The following PTPRD variants were observed in gnomAD, a reference collection of about 807,000 sequenced individuals.
PTPRD encodes the protein protein tyrosine phosphatase receptor type D, also known as receptor-type tyrosine-protein phosphatase delta.
Under a neutral mutation model 214.5 loss-of-function variants are expected in PTPRD, and 34 were observed. That is an observed-to-expected ratio of 0.16 (90% CI 0.12 to 0.21). PTPRD has a LOEUF of 0.21. Ranked by LOEUF, PTPRD falls within the 10% of genes least tolerant of loss-of-function variation. The pLI is 1.00. For synonymous variants in PTPRD, 1,128 were observed against 845.7 expected, an observed-to-expected ratio of 1.33 and a Z score of -5.79; for missense variants, 2,545 against 2,398.7, an observed-to-expected ratio of 1.06 and a Z score of -1.27.
At chr9:8,970,135 C>T (rs1212791180) in intron 11 of PTPRD, among the ~76,000 whole-genome samples, 4 of 151,772 alleles carry the variant, frequency 2.6e-5, no homozygotes, top group Admixed American at 1.3e-4. Context: ...ATTCTAGACT[C>T]GTTTATTATT....
At chr9:8,380,803 T>C (rs2084819567) in intron 37 of PTPRD, among the ~76,000 whole-genome samples, 1 of 152,122 alleles carries the variant, frequency 6.6e-6, no homozygotes, top group Non-Finnish European at 1.5e-5. Flanking sequence ...TGGCTTACCT[T>C]GGGAGTGCTC....
chr9:8,986,543 C>T (rs915030649), intron 11 of PTPRD, among the ~76,000 whole-genome samples: 1 of 151,426 alleles, frequency 6.6e-6, no homozygotes, highest in Non-Finnish European at 1.5e-5. Context: ...TAAAAATCTA[C>T]TTTTGTTAAT....
At chr9:8,847,178 T>A (rs1205471178) in intron 11 of PTPRD, among the ~76,000 whole-genome samples, 2 of 152,184 alleles carry the variant, frequency 1.3e-5, no homozygotes, top group African/African-American at 4.8e-5. Context: ...TAAAATATTT[T>A]TTTTTTGGTA....
At chr9:9,970,317 G>T (rs1480926913) in intron 4 of PTPRD, among the ~76,000 whole-genome samples, 1 of 151,614 alleles carries the variant, frequency 6.6e-6, no homozygotes, top group Non-Finnish European at 1.5e-5. Flanking sequence ...GGGCGTGGTG[G>T]CAGGCACCTG....
chr9:10,392,000 C>T (rs370731947), intron 2 of PTPRD, among the ~76,000 whole-genome samples: 31 of 151,914 alleles, frequency 2.0e-4, no homozygotes, highest in African/African-American at 7.2e-4. Context: ...CTTCCTTAAA[C>T]TCTTTTATGC....
intron 4 of PTPRD, among the ~76,000 whole-genome samples, chr9:10,008,601 C>T (rs1019453725): frequency 2.0e-5 from 3 of 148,702 alleles, no homozygotes; most frequent in African/African-American, 7.3e-5. Context: ...TATATATATA[C>T]TTAGCCAATC....
chr9:10,541,010 T>C (rs1045332436), intron 2 of PTPRD, among the ~76,000 whole-genome samples: 4 of 152,074 alleles, frequency 2.6e-5, no homozygotes, highest in African/African-American at 4.8e-5. Context: ...CACGATAAAA[T>C]TGAATCAAGT....
At chr9:8,961,200 T>C (rs984246077) in intron 11 of PTPRD, among the ~76,000 whole-genome samples, 1 of 152,064 alleles carries the variant, frequency 6.6e-6, no homozygotes, top group Admixed American at 6.6e-5. Context: ...TTATATTTGA[T>C]TTATGACTGC....
intron 39 of PTPRD, among the ~76,000 whole-genome samples, chr9:8,370,066 G>A (rs1436881000): frequency 2.0e-5 from 3 of 152,040 alleles, no homozygotes. Flanking sequence ...GGAAGACTAA[G>A]ACGATATAGG....
intron 2 of PTPRD, among the ~76,000 whole-genome samples, chr9:10,497,490 G>C (rs1404876244): frequency 6.6e-6 from 1 of 151,882 alleles, no homozygotes. Flanking sequence ...ATTGCAGGAG[G>C]TTAGTCATCT....
At chr9:8,827,492 A>G (rs1473777776) in intron 11 of PTPRD, among the ~76,000 whole-genome samples, 1 of 152,114 alleles carries the variant, frequency 6.6e-6, no homozygotes, top group Non-Finnish European at 1.5e-5. Flanking sequence ...CTGTAATTTC[A>G]GCTACTCAGG....
intron 7 of PTPRD, among the ~76,000 whole-genome samples, chr9:9,576,272 A>C (rs2088749199): frequency 1.3e-5 from 2 of 152,190 alleles, no homozygotes; most frequent in Admixed American, 1.3e-4. Flanking sequence ...AGTGAATCTG[A>C]CAGTAAAATG....
chr9:10,246,806 A>G (rs1243448424), intron 3 of PTPRD, among the ~76,000 whole-genome samples: 2 of 151,922 alleles, frequency 1.3e-5, no homozygotes, highest in Admixed American at 6.6e-5. Flanking sequence ...AGGCAGGAGA[A>G]TCGCTTGAAC....
intron 9 of PTPRD, among the ~76,000 whole-genome samples, chr9:9,330,562 T>C (rs2041920539): frequency 6.6e-6 from 1 of 152,096 alleles, no homozygotes; most frequent in Admixed American, 6.6e-5. Context: ...AGTAATATTA[T>C]TAAAAGTCTG....
chr9:8,783,747 G>A (rs1010704271), intron 11 of PTPRD, among the ~76,000 whole-genome samples: 7 of 152,012 alleles, frequency 4.6e-5, no homozygotes, highest in African/African-American at 1.7e-4. Flanking sequence ...TCTGATGGCT[G>A]GATTCTACTG....
chr9:9,880,925 C>T (rs1045266173), intron 5 of PTPRD, among the ~76,000 whole-genome samples: 8 of 151,698 alleles, frequency 5.3e-5, no homozygotes, highest in Non-Finnish European at 7.4e-5. Context: ...TGTATGTGTT[C>T]GAAATAGTTT....
At chr9:9,858,340 C>A (rs912559724) in intron 5 of PTPRD, among the ~76,000 whole-genome samples, 4 of 152,190 alleles carry the variant, frequency 2.6e-5, no homozygotes, top group South Asian at 2.1e-4. Context: ...TTTAGAGACA[C>A]AAACACCTTT....
intron 11 of PTPRD, among the ~76,000 whole-genome samples, chr9:8,934,713 A>T (rs2098984649): frequency 6.6e-6 from 1 of 150,398 alleles, no homozygotes; most frequent in Non-Finnish European, 1.5e-5. Flanking sequence ...GATTTTCAGA[A>T]TGTATTCATC....
intron 35 of PTPRD, among the ~76,000 whole-genome samples, chr9:8,427,029 A>C (rs2094723788): frequency 6.6e-6 from 1 of 152,160 alleles, no homozygotes. Context: ...ATAAGATGCC[A>C]AAAGCAGCCC....
Sources: gnomAD v4.1 joint callset for allele counts (sites outside exome capture counted in the v4.1 genomes callset) on GRCh38, gnomAD v4.1.1 for gene constraint, MANE v1.5 for transcripts, NCBI Gene and HGNC (gene_info 2026-07-23, HGNC 2026-07-21) for gene names.